Variants in TMEM97 observed in about 807,000 individuals in gnomAD.
TMEM97 encodes transmembrane protein 97.
In TMEM97, 13 loss-of-function variants were observed where a neutral mutation model predicts 18.3. That is an observed-to-expected ratio of 0.71 (90% confidence interval 0.46 to 1.13). TMEM97 has a LOEUF of 1.13. Ranked by LOEUF, TMEM97 falls within the 50% of genes most tolerant of loss-of-function variation. The probability of loss-of-function intolerance (pLI) is 0.00; values close to 1 mark genes in which losing one functional copy is unlikely to be tolerated. For synonymous variants in TMEM97, 76 were observed against 85.3 expected (o/e 0.89, Z 0.60); for missense variants, 205 against 210.5 (o/e 0.97, Z 0.16).
At chr17:28,325,828 T>G (rs1275692954) in intron 2 of TMEM97, 181 bp downstream of exon 2, 16 of 835,758 alleles carry the variant, frequency 1.9e-5, no homozygotes, top group Non-Finnish European at 2.7e-5. Flanking sequence ...CAGGCTCATG[T>G]CTGTGGTCAG....
intron 1 of TMEM97, 26 bp downstream of exon 1, chr17:28,319,391 CCCGCTGAGGCTCTCCCG>C (rs1221618501): frequency 7.0e-7 from 1 of 1,419,828 alleles, no homozygotes; most frequent in Non-Finnish European, 9.2e-7. Context: ...CTTATCCCGG[CCCGCTGAGGCTCTCCCG>C]GCGCTGCGTC....
Position 28,326,655 on chromosome 17 carries a change from A to C in TMEM97, c.393A>C (p.Gly131=). The stretch of plus-strand genomic sequence containing the variant: ...TCTCCAAAGCCAGTGGTTTCAAGGG[A>C]CAAAGACCTGAGACTTTGCATGAAC... ...EDFSKASGFK[G]QRPETLHERL... Residue 131 remains glycine, a synonymous_variant, in exon 3 of 3, where the codon GGA becomes GGC. Coordinates refer to ENST00000226230, the MANE Select transcript of TMEM97 (RefSeq NM_014573.3). 6.2e-7 allele frequency: 1 copy of C among 1,614,202 alleles called. No individual in the cohort carries two copies. Among genetic ancestry groups the C allele is most frequent in the African/African-American group, 1.3e-5 (1 of 75,046 alleles).
intron 1 of TMEM97, among the ~76,000 whole-genome samples, chr17:28,321,784 A>G (rs1395457975): frequency 6.8e-6 from 1 of 148,118 alleles, no homozygotes. Flanking sequence ...CAGTGCAGGC[A>G]GCATCTGGCC....
intron 1 of TMEM97, among the ~76,000 whole-genome samples, chr17:28,320,908 T>A (rs1906117578): frequency 6.6e-6 from 1 of 152,212 alleles, no homozygotes; most frequent in Admixed American, 6.5e-5. Context: ...ATAAAGACAC[T>A]TGTCATACAT....
chr17:28,321,363 C>T (rs782310400), intron 1 of TMEM97, among the ~76,000 whole-genome samples: 7 of 152,206 alleles, frequency 4.6e-5, no homozygotes, highest in South Asian at 2.1e-4. Context: ...CTTGCTCACC[C>T]CTAACAAAAT....
rs1223974353 is a variant in TMEM97, at chr17:28,326,811, C to G, written c.*18C>G. ...AAAAATGAAGGAAACAACCACTGGC[C>G]CAGGGTAGAGATGCCTACAGGGTGG... On this transcript the variant is annotated 3_prime_UTR_variant, in exon 3 of 3. Transcript: ENST00000226230. 3.1e-6 allele frequency: 5 copies of G among 1,605,494 alleles called. No individual in the cohort carries two copies. Among genetic ancestry groups the G allele is most frequent in the South Asian group, 2.2e-5 (2 of 90,668 alleles).
At chr17:28,322,117 T>A (rs1306625332) in intron 1 of TMEM97, among the ~76,000 whole-genome samples, 1 of 152,164 alleles carries the variant, frequency 6.6e-6, no homozygotes, top group Non-Finnish European at 1.5e-5. Context: ...TTCCCTAGAG[T>A]TAAAAAACCT....
chr17:28,323,592 T>G (rs368850069), intron 1 of TMEM97, among the ~76,000 whole-genome samples: 1 of 151,894 alleles, frequency 6.6e-6, no homozygotes, highest in Non-Finnish European at 1.5e-5. Flanking sequence ...AGAGACGAGG[T>G]TTCACCATGT....
chr17:28,319,417 T>A (rs1906049418), intron 1 of TMEM97, 52 bp downstream of exon 1: 1 of 1,519,640 alleles, frequency 6.6e-7, no homozygotes, highest in South Asian at 1.3e-5. Context: ...CGGCGCTGCG[T>A]CCACAGGGCC....
At chr17:28,325,100 TAAAC>T (rs563216138) in intron 1 of TMEM97, among the ~76,000 whole-genome samples, 88 of 152,316 alleles carry the variant, frequency 5.8e-4, no homozygotes, top group Non-Finnish European at 1.0e-3. Flanking sequence ...TTTGTTTTTT[TAAAC>T]AAAGAATGAT....
chr17:28,327,068 C>A lies in TMEM97; in HGVS notation c.*275C>A, dbSNP rs1906383269. The A allele has an allele frequency of 7.2e-6, 3 of 414,252 alleles. No homozygotes were observed. The highest frequency in any genetic ancestry group is 1.3e-5 in the Non-Finnish European group (3 of 226,024). 25.7% of individuals were successfully genotyped at this position (414,252 alleles called of 1,614,324 possible). On this transcript the variant is annotated 3_prime_UTR_variant, in exon 3 of 3. Coordinates refer to ENST00000226230, the MANE Select transcript of TMEM97 (RefSeq NM_014573.3). ...GCAACCTCCGCCTCCTGGGCTCAAG[C>A]CATCTTCCTTAGCCTCCCAAGTAGC...
intron 1 of TMEM97, among the ~76,000 whole-genome samples, chr17:28,320,433 A>G (rs1906099028): frequency 6.6e-6 from 1 of 152,144 alleles, no homozygotes; most frequent in South Asian, 2.1e-4. Flanking sequence ...ACCAAACACA[A>G]CTGGAAGACC....
At position 28,326,682 on chromosome 17, in the gene TMEM97, G is replaced by C. The variant is rs1244571102; in HGVS notation, c.420G>C (p.Arg140=). 3 of 1,614,008 alleles carry C rather than the reference G, an allele frequency of 1.9e-6. No individual in the cohort carries two copies. Among genetic ancestry groups the C allele is most frequent in the South Asian group, 1.1e-5 (1 of 91,090 alleles). ...KGQRPETLHE[R]LTLVSVYAPY... Reference sequence around the variant, plus strand: ...AAAGACCTGAGACTTTGCATGAACGGTTAACCCTTGTGTCTGTCTATGCCC... The same window carrying C: ...AAAGACCTGAGACTTTGCATGAACGCTTAACCCTTGTGTCTGTCTATGCCC... The change falls in exon 3 of 3, where the codon CGG becomes CGC. Residue 140 remains arginine, a synonymous_variant. Coordinates refer to ENST00000226230, the MANE Select transcript of TMEM97 (RefSeq NM_014573.3).
intron 2 of TMEM97, 70 bp from the exon 3 acceptor site, chr17:28,326,464 T>C: frequency 6.5e-7 from 1 of 1,533,220 alleles, no homozygotes; most frequent in Non-Finnish European, 8.8e-7. Context: ...GCAGAGACAG[T>C]GGGAAGGTCA....
chr17:28,326,972 T>C lies in TMEM97; in HGVS notation c.*179T>C. 1.2e-6 allele frequency: 1 copy of C among 822,616 alleles called. No individual in the cohort carries two copies. Among genetic ancestry groups the C allele is most frequent in the Middle Eastern group, 3.2e-4 (1 of 3,128 alleles). The allele number at this position is 822,616 out of a possible 1,614,324, so 51.0% of individuals were successfully genotyped here. Reference sequence around the variant, plus strand: ...AACCCTCACCTTCTTCCATTTTTTTTTTTTTTTTAAGACAGTCTCACTCTG... The same window carrying C: ...AACCCTCACCTTCTTCCATTTTTTTCTTTTTTTTAAGACAGTCTCACTCTG... On this transcript the variant is annotated 3_prime_UTR_variant, in exon 3 of 3. Transcript: ENST00000226230.
intron 1 of TMEM97, among the ~76,000 whole-genome samples, chr17:28,321,158 TAC>T (rs1906127660): frequency 6.6e-6 from 1 of 152,222 alleles, no homozygotes; most frequent in South Asian, 2.1e-4. Context: ...GAAAATCTAC[TAC>T]AGTGTTGGCC....
In TMEM97 at chr17:28,325,611, CCTTT is replaced by C. The variant is rs782408854; in HGVS notation, c.241_244del (p.Phe81ProfsTer27). On this transcript the variant is annotated frameshift_variant, in exon 2 of 3. Coordinates refer to ENST00000226230, the MANE Select transcript of TMEM97 (RefSeq NM_014573.3). LOFTEE classifies it high-confidence loss of function. ...GTTTTGCGAGCTTGTGTTTCAGCTG[CCTTT>C]CTTTCCCATTGCAACGTATGCCTTC... The C allele has an allele frequency of 2.5e-5, 40 of 1,614,058 alleles. No homozygotes were observed. The highest frequency in any genetic ancestry group is 3.1e-5 in the Non-Finnish European group (37 of 1,180,030).
chr17:28,321,030 G>A lies in TMEM97; in HGVS notation c.126+1665G>A, dbSNP rs188793718. On this transcript the variant is annotated intron_variant, in intron 1 of 2. Coordinates refer to ENST00000226230, the MANE Select transcript of TMEM97 (RefSeq NM_014573.3). The stretch of plus-strand genomic sequence containing the variant: ...AGTCACAGGTTCCAGGGATTAGGAT[G>A]TGGTTATCTTTGGGGGCCATTATTC... 1.6e-3 allele frequency among the ~76,000 whole-genome samples: 249 copies of A among 152,352 alleles called. 1 individual carries two copies. Among genetic ancestry groups the A allele is most frequent in the African/African-American group, 5.7e-3 (238 of 41,580 alleles).
rs189252817 is a variant in TMEM97 at position 28,326,934 on chromosome 17, A to G, written c.*141A>G. On this transcript the variant is annotated 3_prime_UTR_variant, in exon 3 of 3. Coordinates refer to ENST00000226230, the MANE Select transcript of TMEM97 (RefSeq NM_014573.3). ...CAATGCACAAGAGCAAGATGGTGTC[A>G]GGAACCATGTCAAACCCTCACCTTC... 2.0e-5 allele frequency: 21 copies of G among 1,074,360 alleles called. No individual in the cohort carries two copies. The Admixed American group carries it at 3.0e-4, about 16-fold the overall frequency. 66.6% of individuals were successfully genotyped at this position (1,074,360 alleles called of 1,614,324 possible).
Sources: gnomAD v4.1 joint callset for allele counts (sites outside exome capture counted in the v4.1 genomes callset) on GRCh38, gnomAD v4.1.1 for gene constraint, MANE v1.5 for transcripts, NCBI Gene and HGNC (gene_info 2026-07-23, HGNC 2026-07-21) for gene names.